Variants in MYOZ2 observed in about 807,000 individuals in gnomAD.
MYOZ2 encodes the protein myozenin 2, also known as myozenin-2.
Under a neutral mutation model 25.4 loss-of-function variants are expected in MYOZ2, and 19 were observed. That is an observed-to-expected ratio of 0.75 (90% CI 0.52 to 1.10). MYOZ2 has a LOEUF of 1.10. Among genes scored for constraint, MYOZ2 ranks in the 50% least tolerant of loss-of-function variants. The pLI, the probability that MYOZ2 is intolerant of heterozygous loss-of-function variation, is 0.00. For missense variants in MYOZ2, 270 were observed against 317.9 expected, an observed-to-expected ratio of 0.85 and a Z score of 1.15; for synonymous variants, 92 against 106.9, an observed-to-expected ratio of 0.86 and a Z score of 0.86.
chr4:119,148,134 C>A (rs1014484778), intron 2 of MYOZ2, among the ~76,000 whole-genome samples: 2 of 152,132 alleles, frequency 1.3e-5, no homozygotes, highest in African/African-American at 2.4e-5. Flanking sequence ...TCTGGGTTGA[C>A]AATTCTTTTC....
At chr4:119,184,634 T>G (rs559620263) in intron 5 of MYOZ2, among the ~76,000 whole-genome samples, 1 of 152,362 alleles carries the variant, frequency 6.6e-6, no homozygotes, top group South Asian at 2.1e-4. Flanking sequence ...TTCACTAGAA[T>G]GTAAGAACTA....
rs138061447 is a variant in MYOZ2, at chr4:119,158,077, C to A, written c.302C>A (p.Ser101Ter). 6.3e-5 allele frequency: 102 copies of A among 1,613,692 alleles called. No individual in the cohort carries two copies. The highest frequency in any genetic ancestry group is 7.6e-5 in the Non-Finnish European group (90 of 1,179,908). The change falls in exon 4 of 6, where the codon TCG becomes TAG. Residue 101 changes from serine (S) to a stop codon, truncating the protein, a stop_gained. Coordinates refer to ENST00000307128, the MANE Select transcript of MYOZ2 (RefSeq NM_016599.5). LOFTEE classifies it high-confidence loss of function. ...KVDGSNLEGG[S>*]QQAPLTPPNT... is the part of the protein sequence containing the mutation. ...GATGGAAGTAACTTGGAAGGTGGTT[C>A]GCAGCAAGCCCCCTTGACTCCTCCC... is the stretch of plus-strand genomic sequence containing the variant.
chr4:119,138,711 T>G (rs776357545), intron 2 of MYOZ2, among the ~76,000 whole-genome samples: 2 of 152,194 alleles, frequency 1.3e-5, no homozygotes, highest in Non-Finnish European at 2.9e-5. Flanking sequence ...CCTTTCCCCT[T>G]GTGCATCAGA....
At chr4:119,157,875 T>A in intron 3 of MYOZ2, 147 bp from the exon 4 acceptor site, 1 of 915,486 alleles carries the variant, frequency 1.1e-6, no homozygotes, top group Non-Finnish European at 1.7e-6. Flanking sequence ...CATCTTACTA[T>A]GAAAAAAATT....
intron 5 of MYOZ2, among the ~76,000 whole-genome samples, chr4:119,181,028 G>C (rs1415039998): frequency 6.6e-6 from 1 of 152,006 alleles, no homozygotes; most frequent in East Asian, 1.9e-4. Flanking sequence ...TTTTTACATT[G>C]GTACATGAAT....
intron 5 of MYOZ2, among the ~76,000 whole-genome samples, chr4:119,180,571 T>C (rs1175669685): frequency 6.6e-6 from 1 of 152,236 alleles, no homozygotes; most frequent in Non-Finnish European, 1.5e-5. Flanking sequence ...ATATATTTTT[T>C]TGAGATGGAA....
chr4:119,141,495 G>A (rs1329818340), intron 2 of MYOZ2, among the ~76,000 whole-genome samples: 1 of 152,106 alleles, frequency 6.6e-6, no homozygotes, highest in Non-Finnish European at 1.5e-5. Context: ...TGATTCTCCT[G>A]CCTCAGCCTC....
chr4:119,136,407 A>G (rs1578720371), intron 1 of MYOZ2, 105 bp from the exon 2 acceptor site: 1 of 1,019,060 alleles, frequency 9.8e-7, no homozygotes, highest in East Asian at 2.6e-5. Flanking sequence ...AGCGATAATA[A>G]CTTTTTAATA....
At chr4:119,155,629 G>A (rs1741556413) in intron 3 of MYOZ2, among the ~76,000 whole-genome samples, 1 of 152,134 alleles carries the variant, frequency 6.6e-6, no homozygotes, top group Middle Eastern at 3.2e-3. Flanking sequence ...GCTTGTGGAA[G>A]TTTGCAAGGA....
chr4:119,158,990 G>C (rs1462680309), intron 4 of MYOZ2, among the ~76,000 whole-genome samples: 1 of 152,104 alleles, frequency 6.6e-6, no homozygotes, highest in Non-Finnish European at 1.5e-5. Context: ...AAGAATAAAT[G>C]CTTAAGATGA....
At chr4:119,157,896 C>G in intron 3 of MYOZ2, 126 bp from the exon 4 acceptor site, 1 of 1,179,152 alleles carries the variant, frequency 8.5e-7, no homozygotes, top group Non-Finnish European at 1.2e-6. Context: ...ATTGAGGTCC[C>G]AGGAAGTAAT....
intron 4 of MYOZ2, among the ~76,000 whole-genome samples, chr4:119,158,637 A>G (rs968294796): frequency 6.6e-6 from 1 of 152,208 alleles, no homozygotes; most frequent in Non-Finnish European, 1.5e-5. Context: ...CATTTATAGT[A>G]GCCATACGTT....
intron 5 of MYOZ2, among the ~76,000 whole-genome samples, chr4:119,171,892 T>A (rs1031439438): frequency 1.3e-5 from 2 of 151,590 alleles, no homozygotes; most frequent in Admixed American, 1.3e-4. Context: ...AGCAAGCAAT[T>A]TCCAGTTATT....
intron 5 of MYOZ2, among the ~76,000 whole-genome samples, chr4:119,165,660 A>T (rs1741808246): frequency 1.3e-5 from 2 of 152,026 alleles, no homozygotes; most frequent in African/African-American, 4.8e-5. Context: ...GCAGGGAAAG[A>T]AAGTTGGAGG....
At chr4:119,151,115 T>C (rs1741441292) in intron 3 of MYOZ2, 74 bp downstream of exon 3, 1 of 1,438,498 alleles carries the variant, frequency 7.0e-7, no homozygotes, top group African/African-American at 1.4e-5. Flanking sequence ...GACTAGTTTC[T>C]GAAGGAAGTA....
In MYOZ2 at chr4:119,158,163, C is replaced by G. The variant is rs1741626294; in HGVS notation, c.376+12C>G. Reference sequence around the variant, plus strand: ...CAACATTGCTCCAGGTAACCAATCCCCTTACCAACAGAGCAATAAAATTTC... The same window carrying G: ...CAACATTGCTCCAGGTAACCAATCCGCTTACCAACAGAGCAATAAAATTTC... On this transcript the variant is annotated intron_variant, in intron 4 of 5. Coordinates refer to ENST00000307128, the MANE Select transcript of MYOZ2 (RefSeq NM_016599.5). The G allele has an allele frequency of 6.2e-7, 1 of 1,613,768 alleles. No homozygotes were observed. The highest frequency in any genetic ancestry group is 1.3e-5 in the African/African-American group (1 of 74,884).
At chr4:119,173,921 A>G (rs1741997270) in intron 5 of MYOZ2, among the ~76,000 whole-genome samples, 1 of 152,200 alleles carries the variant, frequency 6.6e-6, no homozygotes, top group African/African-American at 2.4e-5. Context: ...TGAGGGACTT[A>G]GCACTCGGGC....
chr4:119,159,100 A>G (rs1002190833), intron 4 of MYOZ2, among the ~76,000 whole-genome samples: 1 of 152,186 alleles, frequency 6.6e-6, no homozygotes, highest in Admixed American at 6.5e-5. Flanking sequence ...ATGTACCCAC[A>G]AAAGTCAAAA....
chr4:119,176,512 T>C (rs1189490120), intron 5 of MYOZ2, among the ~76,000 whole-genome samples: 1 of 152,202 alleles, frequency 6.6e-6, no homozygotes, highest in East Asian at 1.9e-4. Context: ...CATGAGCCAC[T>C]GTGCCTGGCC....
Sources: gnomAD v4.1 joint callset for allele counts (sites outside exome capture counted in the v4.1 genomes callset) on GRCh38, gnomAD v4.1.1 for gene constraint, MANE v1.5 for transcripts, NCBI Gene and HGNC (gene_info 2026-07-23, HGNC 2026-07-21) for gene names.